The following DOCK3 variants were observed in gnomAD, a reference collection of about 807,000 sequenced individuals.
DOCK3 encodes dedicator of cytokinesis protein 3.
In DOCK3, 60 loss-of-function variants were observed where a neutral mutation model predicts 265.6. The observed-to-expected ratio is 0.23, with a 90% confidence interval of 0.18 to 0.28. DOCK3 has a LOEUF of 0.28. DOCK3 is among the 10% of genes least tolerant of loss of function. The pLI is 1.00. For missense variants in DOCK3, 1,981 were observed against 2,594.3 expected (o/e 0.76, Z 5.14); for synonymous variants, 881 against 938.0 (o/e 0.94, Z 1.11).
chr3:50,721,425 GCAC>G (rs534112620), intron 1 of DOCK3, among the ~76,000 whole-genome samples: 5 of 152,174 alleles, frequency 3.3e-5, no homozygotes, highest in Non-Finnish European at 7.3e-5. Context: ...AGTTATCCCA[GCAC>G]CATTTATTGA....
rs1033148408 is a variant in DOCK3 at position 51,280,076 on chromosome 3, T to C, written c.2824-30T>C. ...GGAACACAGCCCTTGCAATTGGCCA[T>C]GCTAAGTGTTTTTTTGGGTTGGTCC... On this transcript the variant is annotated intron_variant, in intron 26 of 52. Coordinates refer to ENST00000266037, the MANE Select transcript of DOCK3 (RefSeq NM_004947.5). 42 of 1,598,328 alleles carry C rather than the reference T, an allele frequency of 2.6e-5. No individual in the cohort carries two copies. The Admixed American group carries it at 4.2e-4, about 16-fold the overall frequency.
chr3:51,344,900 GA>G (rs1192341527), intron 38 of DOCK3, among the ~76,000 whole-genome samples: 1 of 152,208 alleles, frequency 6.6e-6, no homozygotes, highest in African/African-American at 2.4e-5. Context: ...TTGTGGTGGA[GA>G]GGGGTGCCTT....
At chr3:50,985,125 T>TA (rs2077850912) in intron 5 of DOCK3, among the ~76,000 whole-genome samples, 3 of 152,240 alleles carry the variant, frequency 2.0e-5, no homozygotes, top group African/African-American at 7.2e-5. Context: ...TTATGAGACT[T>TA]ACTTCTTTCA....
intron 22 of DOCK3, among the ~76,000 whole-genome samples, chr3:51,248,177 A>G (rs2078928789): frequency 6.6e-6 from 1 of 152,222 alleles, no homozygotes; most frequent in South Asian, 2.1e-4. Context: ...CAATATATGT[A>G]AAACAGATAA....
At chr3:51,320,915 CG>C (rs1383946484) in intron 32 of DOCK3, among the ~76,000 whole-genome samples, 1 of 152,206 alleles carries the variant, frequency 6.6e-6, no homozygotes, top group Non-Finnish European at 1.5e-5. Context: ...CAGACTTAAA[CG>C]TCCCTGCCTG....
At chr3:50,742,376 C>T (rs1432530181) in intron 1 of DOCK3, among the ~76,000 whole-genome samples, 1 of 152,148 alleles carries the variant, frequency 6.6e-6, no homozygotes, top group African/African-American at 2.4e-5. Context: ...GAGAAGAAGG[C>T]TTCAGACGAT....
chr3:50,759,587 C>T (rs1243667014), intron 1 of DOCK3, among the ~76,000 whole-genome samples: 2 of 151,526 alleles, frequency 1.3e-5, no homozygotes, highest in Non-Finnish European at 2.9e-5. Flanking sequence ...CCTGTAATCC[C>T]AGCACTTTGG....
At chr3:51,102,466 C>T (rs1355183338) in intron 9 of DOCK3, among the ~76,000 whole-genome samples, 1 of 152,094 alleles carries the variant, frequency 6.6e-6, no homozygotes, top group Non-Finnish European at 1.5e-5. Context: ...ATCAGTATAT[C>T]AGGGTTTATA....
At chr3:50,992,798 A>G (rs574950369) in intron 5 of DOCK3, among the ~76,000 whole-genome samples, 4 of 152,328 alleles carry the variant, frequency 2.6e-5, no homozygotes, top group African/African-American at 4.8e-5. Flanking sequence ...GAGATGGGCA[A>G]ATTCCACATA....
chr3:50,810,829 G>A (rs2043708875), intron 2 of DOCK3, among the ~76,000 whole-genome samples: 12 of 152,180 alleles, frequency 7.9e-5, no homozygotes. Flanking sequence ...GGAAAGGATT[G>A]ACTGGAAAGA....
At chr3:51,182,134 A>T (rs952947393) in intron 12 of DOCK3, among the ~76,000 whole-genome samples, 6 of 152,184 alleles carry the variant, frequency 3.9e-5, no homozygotes, top group Admixed American at 3.3e-4. Flanking sequence ...CAGTAGAGCT[A>T]GCATAGTTAA....
chr3:51,303,001 T>G (rs902810962), intron 27 of DOCK3, among the ~76,000 whole-genome samples: 2 of 152,210 alleles, frequency 1.3e-5, no homozygotes, highest in African/African-American at 4.8e-5. Context: ...CTGGGTGATA[T>G]CCTGAAGTAT....
intron 22 of DOCK3, among the ~76,000 whole-genome samples, chr3:51,259,175 T>C (rs372542006): frequency 2.0e-5 from 3 of 152,354 alleles, no homozygotes; most frequent in South Asian, 4.1e-4. Context: ...AGACACATTT[T>C]TCTAAACTGG....
chr3:51,267,663 C>T (rs866142112), intron 23 of DOCK3, among the ~76,000 whole-genome samples: 4 of 152,030 alleles, frequency 2.6e-5, no homozygotes, highest in South Asian at 2.1e-4. Flanking sequence ...TGGGATTACA[C>T]GCATGAGCCA....
At chr3:50,812,162 C>G (rs1285935893) in intron 2 of DOCK3, among the ~76,000 whole-genome samples, 1 of 152,152 alleles carries the variant, frequency 6.6e-6, no homozygotes, top group African/African-American at 2.4e-5. Flanking sequence ...ATGAATGAGT[C>G]GAGCAGATTC....
At chr3:50,997,422 A>C (rs1041311810) in intron 5 of DOCK3, among the ~76,000 whole-genome samples, 5 of 152,208 alleles carry the variant, frequency 3.3e-5, no homozygotes, top group African/African-American at 1.2e-4. Flanking sequence ...GTATATATAT[A>C]TTTAAACCAT....
intron 12 of DOCK3, among the ~76,000 whole-genome samples, chr3:51,207,870 C>T (rs1394005307): frequency 6.6e-6 from 1 of 152,034 alleles, no homozygotes; most frequent in Non-Finnish European, 1.5e-5. Flanking sequence ...CGGGGTAGAA[C>T]CAGGGCTGTG....
At chr3:51,321,779 A>G (rs962032079) in intron 32 of DOCK3, among the ~76,000 whole-genome samples, 6 of 152,218 alleles carry the variant, frequency 3.9e-5, no homozygotes, top group Admixed American at 1.3e-4. Flanking sequence ...AGATTAGAGA[A>G]AAAAGAATGA....
At chr3:51,040,501 G>A (rs1575848268) in intron 5 of DOCK3, among the ~76,000 whole-genome samples, 1 of 152,260 alleles carries the variant, frequency 6.6e-6, no homozygotes. Flanking sequence ...GGAGGGTCTT[G>A]TCTAAGTATT....
Sources: allele counts gnomAD v4.1 joint callset (sites outside exome capture counted in the v4.1 genomes callset), GRCh38; gene constraint gnomAD v4.1.1; transcripts MANE v1.5; gene names NCBI Gene and HGNC (gene_info 2026-07-23, HGNC 2026-07-21).